Variants in PRKCI observed in about 807,000 individuals in gnomAD.
The protein encoded by PRKCI is protein kinase C iota, also known as protein kinase C iota type.
PRKCI carries 43 observed loss-of-function variants against 84.0 expected under a neutral mutation model. The observed-to-expected ratio is 0.51, with a 90% confidence interval of 0.40 to 0.66. PRKCI has a LOEUF of 0.66. Among genes scored for constraint, PRKCI ranks in the 30% least tolerant of loss-of-function variants. PRKCI has a pLI of 0.00. For missense variants in PRKCI, 459 were observed against 745.6 expected (o/e 0.62, Z 4.48); for synonymous variants, 216 against 234.4 (o/e 0.92, Z 0.72).
chr3:170,227,562 G>A (rs1340049035), intron 1 of PRKCI, among the ~76,000 whole-genome samples: 2 of 152,190 alleles, frequency 1.3e-5, no homozygotes, highest in East Asian at 3.8e-4. Flanking sequence ...AATGATGTTA[G>A]GTGGGTGTTA....
intron 15 of PRKCI, among the ~76,000 whole-genome samples, chr3:170,296,246 A>G (rs1240364346): frequency 1.3e-5 from 2 of 152,250 alleles, no homozygotes; most frequent in Non-Finnish European, 2.9e-5. Flanking sequence ...TGTGTAAATA[A>G]TATATACCAT....
At chr3:170,251,683 G>A (rs770446832) in intron 2 of PRKCI, among the ~76,000 whole-genome samples, 4 of 152,090 alleles carry the variant, frequency 2.6e-5, no homozygotes, top group East Asian at 1.9e-4. Flanking sequence ...ACCAAAACAG[G>A]TGGATCACTT....
chr3:170,299,327 A>G (rs1179766286), intron 17 of PRKCI, among the ~76,000 whole-genome samples: 1 of 152,144 alleles, frequency 6.6e-6, no homozygotes, highest in Admixed American at 6.5e-5. Flanking sequence ...CCCAGGTTCA[A>G]ATGATTCTCC....
intron 2 of PRKCI, among the ~76,000 whole-genome samples, chr3:170,255,912 A>G (rs1733572039): frequency 6.6e-6 from 1 of 152,054 alleles, no homozygotes; most frequent in Non-Finnish European, 1.5e-5. Flanking sequence ...AATTGAAATG[A>G]TAGTATGATT....
chr3:170,297,293 T>C lies in PRKCI; in HGVS notation c.1498-11T>C. The stretch of plus-strand genomic sequence containing the variant: ...ATTCACCCAATTCTTGAAACATTTC[T>C]TTCACCATAGGACCCTAAGGAACGA... On this transcript the variant is annotated splice_polypyrimidine_tract_variant and intron_variant, in intron 15 of 17. Coordinates refer to ENST00000295797, the MANE Select transcript of PRKCI (RefSeq NM_002740.6). 1 of 1,602,672 alleles carries C rather than the reference T, an allele frequency of 6.2e-7. No individual in the cohort carries two copies. Among genetic ancestry groups the C allele is most frequent in the Non-Finnish European group, 8.5e-7 (1 of 1,169,816 alleles).
At chr3:170,273,389 TA>T in intron 7 of PRKCI, 49 bp downstream of exon 7, 2 of 1,558,830 alleles carry the variant, frequency 1.3e-6, no homozygotes, top group Non-Finnish European at 1.8e-6. Context: ...GAGTAGCATG[TA>T]AAGACTTACT....
chr3:170,245,960 T>G (rs1203243461), intron 2 of PRKCI, among the ~76,000 whole-genome samples: 4 of 147,466 alleles, frequency 2.7e-5, no homozygotes, highest in South Asian at 2.2e-4. Context: ...TTTTTTTTTT[T>G]TTTTTTTTTT....
chr3:170,237,946 A>T (rs1392925721), intron 2 of PRKCI, among the ~76,000 whole-genome samples: 3 of 152,144 alleles, frequency 2.0e-5, no homozygotes. Flanking sequence ...TGTTTCTATA[A>T]ATTCTTTATT....
At chr3:170,222,792 G>A (rs779615369) in intron 1 of PRKCI, 22 bp downstream of exon 1, 12 of 1,594,626 alleles carry the variant, frequency 7.5e-6, no homozygotes, top group African/African-American at 6.7e-5. Context: ...GGGACAGGGC[G>A]GTGGGCGGGA....
intron 10 of PRKCI, 98 bp downstream of exon 10, chr3:170,281,361 A>G (rs1734239960): frequency 1.1e-6 from 1 of 918,330 alleles, no homozygotes; most frequent in South Asian, 1.4e-5. Flanking sequence ...AGTTGATATC[A>G]TGGAGGATGC....
chr3:170,248,711 G>A (rs977097176), intron 2 of PRKCI, among the ~76,000 whole-genome samples: 1 of 152,162 alleles, frequency 6.6e-6, no homozygotes, highest in Admixed American at 6.5e-5. Flanking sequence ...TTATTCAGAA[G>A]TGTTGGTCTC....
chr3:170,267,399 C>T (rs181576774), intron 4 of PRKCI, among the ~76,000 whole-genome samples: 29 of 151,780 alleles, frequency 1.9e-4, no homozygotes, highest in African/African-American at 6.3e-4. Context: ...GTAGGCCGGG[C>T]GCGTTGGCTC....
chr3:170,242,269 G>C (rs117379391), intron 2 of PRKCI, among the ~76,000 whole-genome samples: 3,195 of 151,908 alleles, frequency 0.021, 53 homozygotes, highest in East Asian at 0.086. Flanking sequence ...TGGCTCCAAA[G>C]CTGAAAACTG....
chr3:170,285,859 C>T (rs1433758959), intron 12 of PRKCI, among the ~76,000 whole-genome samples: 1 of 151,934 alleles, frequency 6.6e-6, no homozygotes, highest in African/African-American at 2.4e-5. Context: ...GTTCTCCAGC[C>T]TCAGCCTTCC....
At chr3:170,293,040 CAAAAA>C (rs1202831307) in intron 13 of PRKCI, among the ~76,000 whole-genome samples, 3 of 66,188 alleles carry the variant, frequency 4.5e-5, no homozygotes, top group Admixed American at 1.8e-4. Context: ...GACCCCATCT[CAAAAA>C]AAAAAAAAAA....
intron 2 of PRKCI, among the ~76,000 whole-genome samples, chr3:170,252,155 A>C (rs1354573193): frequency 2.0e-5 from 3 of 151,682 alleles, no homozygotes; most frequent in African/African-American, 7.3e-5. Context: ...CGGAGCTTGC[A>C]GTGAGCCGAG....
In PRKCI at chr3:170,258,430, C is replaced by T. The variant is rs140529523; in HGVS notation, c.224-1539C>T. 4.6e-3 allele frequency among the ~76,000 whole-genome samples: 699 copies of T among 151,936 alleles called. 13 individuals carry two copies. Among genetic ancestry groups the T allele is most frequent in the Non-Finnish European group, 3.3e-3 (225 of 67,950 alleles). On this transcript the variant is annotated intron_variant, in intron 2 of 17. Transcript: ENST00000295797. Reference sequence around the variant, plus strand: ...AAGCGATTCTTCTGCCTTAGCCTCCCGAGTAGCTGGGACTGCAGGCACACA... The same window carrying T: ...AAGCGATTCTTCTGCCTTAGCCTCCTGAGTAGCTGGGACTGCAGGCACACA...
intron 1 of PRKCI, among the ~76,000 whole-genome samples, chr3:170,225,851 C>T (rs745746280): frequency 5.9e-5 from 9 of 151,822 alleles, no homozygotes; most frequent in Admixed American, 1.3e-4. Flanking sequence ...TCAGTGAAAA[C>T]GTGTAATCTC....
At chr3:170,225,181 A>G (rs1489523638) in intron 1 of PRKCI, among the ~76,000 whole-genome samples, 2 of 152,222 alleles carry the variant, frequency 1.3e-5, no homozygotes, top group African/African-American at 4.8e-5. Flanking sequence ...TGCCCATTGT[A>G]TACTGGTCTT....
Sources: allele counts gnomAD v4.1 joint callset (sites outside exome capture counted in the v4.1 genomes callset), GRCh38; gene constraint gnomAD v4.1.1; transcripts MANE v1.5; gene names NCBI Gene and HGNC (gene_info 2026-07-23, HGNC 2026-07-21).